LAMC1: variants seen among roughly 807,000 people sequenced by gnomAD.
LAMC1 encodes the protein laminin subunit gamma-1.
A neutral mutation model predicts 173.6 loss-of-function variants in LAMC1; 38 were observed. The observed-to-expected ratio is 0.22, with a 90% CI of 0.17 to 0.29. The LOEUF (loss-of-function observed/expected upper bound fraction) is 0.29. Among genes scored for constraint, LAMC1 ranks in the 10% least tolerant of loss-of-function variants. The pLI is 1.00. For synonymous variants in LAMC1, 746 were observed against 749.1 expected, an observed-to-expected ratio of 1.00 and a Z score of 0.07; for missense variants, 1,824 against 2,051.8, an observed-to-expected ratio of 0.89 and a Z score of 2.14.
At chr1:183,105,243 A>AAAAG (rs1345295144) in intron 2 of LAMC1, among the ~76,000 whole-genome samples, 7 of 125,554 alleles carry the variant, frequency 5.6e-5, no homozygotes, top group Non-Finnish European at 7.9e-5. Flanking sequence ...AAAAAAAAAA[A>AAAAG]AAAGAAAGAA....
intron 1 of LAMC1, among the ~76,000 whole-genome samples, chr1:183,079,789 G>C (rs1337606810): frequency 1.3e-5 from 2 of 152,190 alleles, no homozygotes; most frequent in African/African-American, 2.4e-5. Context: ...TTGAAGAGCG[G>C]TAGATCAGGT....
At chr1:183,086,063 T>A (rs1208336459) in intron 1 of LAMC1, among the ~76,000 whole-genome samples, 1 of 152,190 alleles carries the variant, frequency 6.6e-6, no homozygotes, top group Non-Finnish European at 1.5e-5. Flanking sequence ...AATGCCTATA[T>A]CCATAAATAA....
At chr1:183,039,755 T>C (rs116766056) in intron 1 of LAMC1, among the ~76,000 whole-genome samples, 175 of 152,334 alleles carry the variant, frequency 1.1e-3, no homozygotes, top group African/African-American at 4.2e-3. Flanking sequence ...CATTTCAAGA[T>C]GGACACTGAT....
rs145376934 is a variant in LAMC1, at chr1:183,081,288, A to C, written c.419-22040A>C. Among the ~76,000 whole-genome samples the C allele has an allele frequency of 4.0e-3, 614 of 152,266 alleles. 10 individuals carry two copies. Among genetic ancestry groups the C allele is most frequent in the Admixed American group, 0.03 (458 of 15,294 alleles). On this transcript the variant is annotated intron_variant, in intron 1 of 27. Transcript: ENST00000258341. ...CAAGTGTTTTAAATGAAATTTAGTAATACTGTTTAAAAAATGAATAACTTT... is the reference window on the plus strand; with the variant it reads ...CAAGTGTTTTAAATGAAATTTAGTACTACTGTTTAAAAAATGAATAACTTT...
At chr1:183,100,237 A>AT (rs1427033362) in intron 1 of LAMC1, among the ~76,000 whole-genome samples, 2 of 152,022 alleles carry the variant, frequency 1.3e-5, no homozygotes, top group Non-Finnish European at 2.9e-5. Context: ...TCTCTCCTGG[A>AT]TTACTGCCAC....
intron 1 of LAMC1, among the ~76,000 whole-genome samples, chr1:183,077,793 T>TATATATATATATATAC (rs1558040719): frequency 6.8e-6 from 1 of 147,076 alleles, no homozygotes; most frequent in Admixed American, 6.8e-5. Flanking sequence ...TATATATATA[T>TATATATATATATATAC]ATACAGTAGC....
In LAMC1 at chr1:183,121,721, A is replaced by AGGTGCT. The variant is rs1656480063; in HGVS notation, c.1992_1997dup. 3 of 1,612,660 alleles carry AGGTGCT rather than the reference A, an allele frequency of 1.9e-6. No individual in the cohort carries two copies. The African/African-American group carries it at 4.0e-5, about 22-fold the overall frequency. Reference sequence around the variant, plus strand: ...TGATTTTCTTTTCCTCACTATACACAGGTGCTGGATATTTGGATGATGTCA... The same window carrying AGGTGCT: ...TGATTTTCTTTTCCTCACTATACACAGGTGCTGGTGCTGGATATTTGGATGATGTCA... On this transcript the variant is annotated splice_acceptor_variant, in intron 11 of 27. Coordinates refer to ENST00000258341, the MANE Select transcript of LAMC1 (RefSeq NM_002293.4). LOFTEE classifies it high-confidence loss of function.
At chr1:183,042,256 G>A (rs1487908355) in intron 1 of LAMC1, among the ~76,000 whole-genome samples, 3 of 152,142 alleles carry the variant, frequency 2.0e-5, no homozygotes, top group African/African-American at 7.2e-5. Flanking sequence ...GCCTGGTTGA[G>A]GCTGGGTGAT....
chr1:183,114,319 C>A (rs1009290708), intron 4 of LAMC1, among the ~76,000 whole-genome samples: 3 of 152,220 alleles, frequency 2.0e-5, no homozygotes. Flanking sequence ...GATCTGCCTG[C>A]CTCAGCCTTC....
At chr1:183,138,145 G>A in intron 26 of LAMC1, 2 of 709,054 alleles carry the variant, frequency 2.8e-6, no homozygotes, top group Non-Finnish European at 3.5e-6. Context: ...TAATAAAAAA[G>A]GAATGCAATG....
chr1:183,127,149 A>ATTGT, intron 16 of LAMC1, 77 bp from the exon 17 acceptor site: 4 of 1,382,974 alleles, frequency 2.9e-6, no homozygotes, highest in Non-Finnish European at 4.0e-6. Context: ...TAGTCAGCTT[A>ATTGT]TTGTTATCAG....
At position 183,142,928 on chromosome 1, in the gene LAMC1, A is replaced by G; in HGVS notation, c.*138A>G. The G allele has an allele frequency of 1.1e-6, 1 of 886,396 alleles. No homozygotes were observed. The highest frequency in any genetic ancestry group is 1.7e-6 in the Non-Finnish European group (1 of 590,926). 54.9% of individuals were successfully genotyped at this position (886,396 alleles called of 1,614,324 possible). On this transcript the variant is annotated 3_prime_UTR_variant, in exon 28 of 28. Transcript: ENST00000258341. The stretch of plus-strand genomic sequence containing the variant: ...CATGACTGTCCTTTTGAACCAGGAA[A>G]AGTCACAGAGTTTAAAGAGAAGCAA...
intron 1 of LAMC1, among the ~76,000 whole-genome samples, chr1:183,037,106 A>G (rs1375759227): frequency 6.6e-6 from 1 of 152,214 alleles, no homozygotes; most frequent in African/African-American, 2.4e-5. Flanking sequence ...GAAGACTTGT[A>G]GGTTTTGGGT....
chr1:183,066,145 C>G (rs1265648775), intron 1 of LAMC1, among the ~76,000 whole-genome samples: 1 of 152,106 alleles, frequency 6.6e-6, no homozygotes, highest in South Asian at 2.1e-4. Context: ...GTGTACTGTA[C>G]TTTCTGTAGT....
chr1:183,052,393 G>A (rs1320676511), intron 1 of LAMC1, among the ~76,000 whole-genome samples: 5 of 151,934 alleles, frequency 3.3e-5, no homozygotes, highest in Non-Finnish European at 5.9e-5. Context: ...GAGTGCAGTG[G>A]CATGATCTCG....
rs78668666 is a variant in LAMC1 at position 183,136,367 on chromosome 1, G to A, written c.4115-19G>A. 8,101 of 1,611,328 alleles carry A rather than the reference G, an allele frequency of 5.0e-3. 387 individuals carry two copies. In the African/African-American group the frequency reaches 0.096, roughly 19 times the overall value. On this transcript the variant is annotated intron_variant, in intron 24 of 27. Coordinates refer to ENST00000258341, the MANE Select transcript of LAMC1 (RefSeq NM_002293.4). ...CTTGTTGGGAGTTTAGCTCAAATGTGTCCTTGAACTTGTTTCAGATTTTGA... is the reference window on the plus strand; with the variant it reads ...CTTGTTGGGAGTTTAGCTCAAATGTATCCTTGAACTTGTTTCAGATTTTGA...
intron 11 of LAMC1, among the ~76,000 whole-genome samples, chr1:183,121,362 A>G (rs2877984): frequency 0.55 from 82,884 of 151,954 alleles, 22,874 homozygotes; most frequent in South Asian, 0.65. Flanking sequence ...GGAGGCGGAG[A>G]TTGCAGTGAG....
chr1:183,101,053 A>G (rs1182692660), intron 1 of LAMC1, among the ~76,000 whole-genome samples: 1 of 152,078 alleles, frequency 6.6e-6, no homozygotes, highest in Non-Finnish European at 1.5e-5. Flanking sequence ...ACAGATGTTG[A>G]TTGGAACACA....
rs961853221 is a variant in LAMC1, at chr1:183,118,037, C to G, written c.1881C>G (p.Leu627=). The change falls in exon 11 of 28, where the codon CTC becomes CTG. Residue 627 remains leucine (L), a synonymous_variant. Transcript: ENST00000258341. ...GTGGCCCTTTCTTTCTCTCCAGGCT[C>G]CATGAAGCAACAGATTACCCTTGGA... ...SETTVKYVFR[L]HEATDYPWRP... The G allele has an allele frequency of 1.2e-6, 2 of 1,601,380 alleles. No homozygotes were observed. Among genetic ancestry groups the G allele is most frequent in the Non-Finnish European group, 8.6e-7 (1 of 1,169,144 alleles).
Sources: allele counts gnomAD v4.1 joint callset (sites outside exome capture counted in the v4.1 genomes callset), GRCh38; gene constraint gnomAD v4.1.1; transcripts MANE v1.5; gene names NCBI Gene and HGNC (gene_info 2026-07-23, HGNC 2026-07-21).